The following RABGAP1L variants were observed in gnomAD, a reference collection of about 807,000 sequenced individuals.
RABGAP1L encodes the protein rab GTPase-activating protein 1-like.
Under a neutral mutation model 137.7 loss-of-function variants are expected in RABGAP1L, and 63 were observed. That is an observed-to-expected ratio of 0.46 (90% CI 0.37 to 0.56). The LOEUF is 0.56. Ranked by LOEUF, RABGAP1L falls within the 20% of genes least tolerant of loss-of-function variation. The pLI is 0.00. For missense variants in RABGAP1L, 1,095 were observed against 1,244.0 expected, an observed-to-expected ratio of 0.88 and a Z score of 1.80; for synonymous variants, 431 against 433.7, an observed-to-expected ratio of 0.99 and a Z score of 0.08.
intron 10 of RABGAP1L, among the ~76,000 whole-genome samples, chr1:174,280,677 A>T (rs1024166470): frequency 6.6e-6 from 1 of 152,190 alleles, no homozygotes; most frequent in Non-Finnish European, 1.5e-5. Flanking sequence ...TTCATTGTCC[A>T]TTTACTGGGA....
chr1:174,385,895 G>A (rs975890578), intron 12 of RABGAP1L, among the ~76,000 whole-genome samples: 5 of 152,204 alleles, frequency 3.3e-5, no homozygotes, highest in African/African-American at 1.2e-4. Flanking sequence ...CTTAAAAATA[G>A]TTTTGCTATA....
intron 13 of RABGAP1L, among the ~76,000 whole-genome samples, chr1:174,539,965 A>C (rs1229991808): frequency 2.0e-5 from 3 of 152,112 alleles, no homozygotes; most frequent in Non-Finnish European, 4.4e-5. Flanking sequence ...TTGTTTCCTG[A>C]CTTTTTAATG....
chr1:174,930,041 G>A (rs1331345306), intron 19 of RABGAP1L, among the ~76,000 whole-genome samples: 1 of 148,184 alleles, frequency 6.7e-6, no homozygotes, highest in East Asian at 2.0e-4. Context: ...TAAAGACAGA[G>A]TTTTGCCATG....
chr1:174,785,775 T>G (rs1365198951), intron 18 of RABGAP1L, among the ~76,000 whole-genome samples: 1 of 152,204 alleles, frequency 6.6e-6, no homozygotes, highest in Admixed American at 6.5e-5. Flanking sequence ...CCATAAGCCC[T>G]ACAGTGGTGA....
intron 12 of RABGAP1L, among the ~76,000 whole-genome samples, chr1:174,383,899 G>C (rs1314468533): frequency 6.6e-6 from 1 of 152,116 alleles, no homozygotes; most frequent in East Asian, 1.9e-4. Context: ...TTATAAAATT[G>C]AAGACCCTTC....
At chr1:174,283,497 T>G (rs901490880) in intron 10 of RABGAP1L, among the ~76,000 whole-genome samples, 6 of 136,630 alleles carry the variant, frequency 4.4e-5, no homozygotes, top group African/African-American at 1.7e-4. Flanking sequence ...AGAGTTGCTG[T>G]TTTTTTTGTT....
intron 13 of RABGAP1L, among the ~76,000 whole-genome samples, chr1:174,615,945 G>T (rs953951556): frequency 2.0e-5 from 3 of 152,186 alleles, no homozygotes; most frequent in African/African-American, 7.2e-5. Context: ...TGCAGTATTC[G>T]GGTGGGAGTT....
At chr1:174,803,491 T>C (rs2148829600) in intron 18 of RABGAP1L, among the ~76,000 whole-genome samples, 2 of 152,342 alleles carry the variant, frequency 1.3e-5, no homozygotes, top group Non-Finnish European at 2.9e-5. Flanking sequence ...TGCTTTCAAA[T>C]GATTCTCAGA....
At chr1:174,942,174 A>T (rs1419993531) in intron 19 of RABGAP1L, among the ~76,000 whole-genome samples, 3 of 152,234 alleles carry the variant, frequency 2.0e-5, no homozygotes, top group Non-Finnish European at 4.4e-5. Context: ...GTGCAAAGAC[A>T]CACTGGGACT....
intron 22 of RABGAP1L, 117 bp downstream of exon 22, chr1:174,976,299 A>G: frequency 1.2e-6 from 1 of 864,840 alleles, no homozygotes; most frequent in South Asian, 1.7e-5. Flanking sequence ...TAAAGCAGTA[A>G]TGTAAGTAGT....
At chr1:174,412,565 T>G (rs957309483) in intron 13 of RABGAP1L, among the ~76,000 whole-genome samples, 2 of 152,164 alleles carry the variant, frequency 1.3e-5, no homozygotes, top group African/African-American at 4.8e-5. Flanking sequence ...CTGTGGGCTA[T>G]GTACTTAAGT....
In RABGAP1L at chr1:174,660,333, A is replaced by T. The variant is rs188702278; in HGVS notation, c.1824+22845A>T. 8.5e-5 allele frequency among the ~76,000 whole-genome samples: 13 copies of T among 152,324 alleles called. No homozygotes were observed. The East Asian group carries it at 2.5e-3, about 29-fold the overall frequency. On this transcript the variant is annotated intron_variant, in intron 14 of 25. Coordinates refer to ENST00000681986, the MANE Select transcript of RABGAP1L (RefSeq NM_001366446.1). Reference sequence around the variant, plus strand: ...CAGACTGTGAGGGCTCCTGTTCTTCATGTAAGAAACTATTCCAGGCCCAAG... The same window carrying T: ...CAGACTGTGAGGGCTCCTGTTCTTCTTGTAAGAAACTATTCCAGGCCCAAG...
intron 14 of RABGAP1L, 51 bp from the exon 15 acceptor site, chr1:174,683,470 GT>G: frequency 2.1e-6 from 3 of 1,446,906 alleles, no homozygotes; most frequent in Non-Finnish European, 2.9e-6. Context: ...TAACATTTAA[GT>G]TAAAATCTGT....
In RABGAP1L at chr1:174,221,115, C is replaced by A; in HGVS notation, c.282C>A (p.Ser94Arg). The part of the protein sequence containing the change: ...SDHSFGDIPA[S>R]QTNKPSLQLI... Reference sequence around the variant, plus strand: ...ATTCGTTTGGAGATATTCCAGCCAGCCAAACAAATAAGCCATCTCTTCAGT... The same window carrying A: ...ATTCGTTTGGAGATATTCCAGCCAGACAAACAAATAAGCCATCTCTTCAGT... The change falls in exon 3 of 26, where the codon AGC becomes AGA. Residue 94 changes from serine to arginine, a missense_variant. This residue lies in a region of RABGAP1L where 356 missense variants were observed against 326.3 expected (regional missense o/e 1.09). Coordinates refer to ENST00000681986, the MANE Select transcript of RABGAP1L (RefSeq NM_001366446.1). The A allele has an allele frequency of 6.2e-7, 1 of 1,613,170 alleles. No individual in the cohort carries two copies. The highest frequency in any genetic ancestry group is 8.5e-7 in the Non-Finnish European group (1 of 1,179,502).
At chr1:174,559,413 G>T (rs975267221) in intron 13 of RABGAP1L, among the ~76,000 whole-genome samples, 1 of 152,110 alleles carries the variant, frequency 6.6e-6, no homozygotes, top group African/African-American at 2.4e-5. Flanking sequence ...GGACTTATCC[G>T]CATCTTTGAT....
intron 1 of RABGAP1L, among the ~76,000 whole-genome samples, chr1:174,199,590 C>G (rs1571508566): frequency 6.6e-6 from 1 of 152,196 alleles, no homozygotes; most frequent in South Asian, 2.1e-4. Flanking sequence ...CCATGCCCGG[C>G]CCATACATTG....
chr1:174,946,265 A>G (rs1260056971), intron 19 of RABGAP1L, among the ~76,000 whole-genome samples: 3 of 152,154 alleles, frequency 2.0e-5, no homozygotes, highest in Non-Finnish European at 2.9e-5. Flanking sequence ...AGAGCTATGC[A>G]TGTTGGCTAG....
intron 18 of RABGAP1L, among the ~76,000 whole-genome samples, chr1:174,803,936 G>A (rs576438501): frequency 1.3e-5 from 2 of 152,012 alleles, no homozygotes; most frequent in South Asian, 2.1e-4. Context: ...AGTCAGGTGT[G>A]GGGGTGGGCG....
intron 13 of RABGAP1L, among the ~76,000 whole-genome samples, chr1:174,580,987 T>G (rs950551392): frequency 6.6e-6 from 1 of 152,104 alleles, no homozygotes; most frequent in African/African-American, 2.4e-5. Context: ...GAGATACCAC[T>G]TCACACCCAC....
Sources: gnomAD v4.1 joint callset for allele counts (sites outside exome capture counted in the v4.1 genomes callset) on GRCh38, gnomAD v4.1.1 for gene constraint, gnomAD v4.1.1 regional missense constraint, MANE v1.5 for transcripts, NCBI Gene and HGNC (gene_info 2026-07-23, HGNC 2026-07-21) for gene names.